GTF2H4: variants seen among roughly 807,000 people sequenced by gnomAD.
The protein encoded by GTF2H4 is general transcription factor IIH subunit 4, also known as BTF2 p52.
GTF2H4 carries 49 observed loss-of-function variants against 62.2 expected under a neutral mutation model. The ratio of observed to expected loss-of-function variants is 0.79; its 90% CI spans 0.63 to 1.00. GTF2H4 has a LOEUF of 1.00. GTF2H4 is among the 50% of genes least tolerant of loss of function. GTF2H4 has a pLI of 0.00. For synonymous variants in GTF2H4, 189 were observed against 233.8 expected (o/e 0.81, Z 1.75); for missense variants, 479 against 587.8 (o/e 0.81, Z 1.91).
chr6:30,908,635 A>G (rs959989850), intron 1 of GTF2H4, among the ~76,000 whole-genome samples: 2 of 152,188 alleles, frequency 1.3e-5, no homozygotes, highest in East Asian at 1.9e-4. Flanking sequence ...GATAGAAGAT[A>G]GGAAGGACGG....
In GTF2H4 at chr6:30,912,665, G is replaced by T. The variant is rs191995085; in HGVS notation, c.1089+207G>T. Among the ~76,000 whole-genome samples the T allele has an allele frequency of 7.7e-4, 117 of 152,214 alleles. 2 individuals are homozygous for T. The East Asian group carries it at 0.021, about 28-fold the overall frequency. On this transcript the variant is annotated intron_variant, in intron 11 of 13. Transcript: ENST00000259895. The surrounding 1 kb of genome is among the most constrained non-coding windows in gnomAD (Gnocchi z 4.8). Reference sequence around the variant, plus strand: ...ACATGGAGGGAGGAGGTATAGATCTGGATTTGTGCCTCGGCACTGCCACAT... The same window carrying T: ...ACATGGAGGGAGGAGGTATAGATCTTGATTTGTGCCTCGGCACTGCCACAT...
chr6:30,912,006 C>G lies in GTF2H4; in HGVS notation c.826-8C>G. On this transcript the variant is annotated splice_polypyrimidine_tract_variant and splice_region_variant and intron_variant, in intron 9 of 13. Transcript: ENST00000259895. The surrounding 1 kb of genome is among the most constrained non-coding windows in gnomAD (Gnocchi z 4.8). ...GAGACAAGGCATCTGCCTTTCTATT[C>G]TTTTCAGAGGAAATCTCGGCGTTAC... is the stretch of plus-strand genomic sequence containing the variant. 6.2e-7 allele frequency: 1 copy of G among 1,612,484 alleles called. No individual in the cohort carries two copies. Among genetic ancestry groups the G allele is most frequent in the Non-Finnish European group, 8.5e-7 (1 of 1,179,830 alleles).
Position 30,909,973 on chromosome 6 carries a change from T to C in GTF2H4, c.284T>C (p.Ile95Thr). Residue 95 changes from isoleucine (I) to threonine (T), a missense_variant, in exon 4 of 14, where the codon ATC becomes ACC. Physicochemically the swap from Ile to Thr is moderately conservative, Grantham distance 89. Coordinates refer to ENST00000259895, the MANE Select transcript of GTF2H4 (RefSeq NM_001517.5). The surrounding 1 kb of genome is among the most constrained non-coding windows in gnomAD (Gnocchi z 4.3). ...ACAGGGCTGCTGAGCGGCCTCCGGA[T>C]CTGGCACACACAGCTGCTCCCAGGC... is the stretch of plus-strand genomic sequence containing the variant. ...ESTGLLSGLR[I>T]WHTQLLPGGL... 1 of 1,613,016 alleles carries C rather than the reference T, an allele frequency of 6.2e-7. No homozygotes were observed. The highest frequency in any genetic ancestry group is 8.5e-7 in the Non-Finnish European group (1 of 1,180,000).
In GTF2H4 at chr6:30,910,415, T is replaced by C. The variant is rs1582152852; in HGVS notation, c.375-250T>C. Among the ~76,000 whole-genome samples the C allele has an allele frequency of 6.6e-6, 1 of 152,116 alleles. No homozygotes were observed. Among genetic ancestry groups the C allele is most frequent in the Non-Finnish European group, 1.5e-5 (1 of 67,994 alleles). ...TGTAATCTTGACTCACGGCAGCCTC[T>C]ACCTCCTGGGTTCAAGTGATTCTCC... On this transcript the variant is annotated intron_variant, in intron 4 of 13. Transcript: ENST00000259895. This position sits in a 1 kb window ranked among gnomAD's most constrained non-coding sequence, Gnocchi z 4.7.
chr6:30,914,017 G>GGGACTGGGCT lies in GTF2H4; in HGVS notation c.*43_*44insTGGACTGGGC. 1 of 1,518,308 alleles carries GGGACTGGGCT rather than the reference G, an allele frequency of 6.6e-7. No individual in the cohort carries two copies. Among genetic ancestry groups the GGGACTGGGCT allele is most frequent in the South Asian group, 1.2e-5 (1 of 83,928 alleles). 94.1% of individuals were successfully genotyped at this position (1,518,308 alleles called of 1,614,324 possible). The stretch of plus-strand genomic sequence containing the variant: ...GACTTGGACACGGACCTCGGCGGGC[G>GGGACTGGGCT]GGACTGGGCGGGGCGGGGCATCAGA... On this transcript the variant is annotated 3_prime_UTR_variant, in exon 14 of 14. Transcript: ENST00000259895.
chr6:30,909,336 G>T lies in GTF2H4; in HGVS notation c.138-99G>T. On this transcript the variant is annotated intron_variant, in intron 2 of 13. Coordinates refer to ENST00000259895, the MANE Select transcript of GTF2H4 (RefSeq NM_001517.5). The surrounding 1 kb of genome is among the most constrained non-coding windows in gnomAD (Gnocchi z 4.3). ...CCAAAACAGCAGGACTGGTAAAGTT[G>T]TGCTGGAGTGAGATGAGATGTTTGA... 1 of 1,214,642 alleles carries T rather than the reference G, an allele frequency of 8.2e-7. No individual in the cohort carries two copies. The highest frequency in any genetic ancestry group is 1.2e-6 in the Non-Finnish European group (1 of 846,002). 75.2% of individuals were successfully genotyped at this position (1,214,642 alleles called of 1,614,324 possible).
rs1386786329 is a variant in GTF2H4 at position 30,913,932 on chromosome 6, C to G, written c.1338C>G (p.Ala446=). The change falls in exon 14 of 14, where the codon GCC becomes GCG. Residue 446 remains alanine (A), a synonymous_variant. Transcript: ENST00000259895. This position sits in a 1 kb window ranked among gnomAD's most constrained non-coding sequence, Gnocchi z 4.2. The part of the protein sequence containing the change: ...SAKRLMVVTP[A]GHSDVKRFWK... ...AGCGGCTCATGGTGGTGACCCCGGC[C>G]GGGCACAGCGACGTCAAGCGCTTTT... is the stretch of plus-strand genomic sequence containing the variant. 6.2e-7 allele frequency: 1 copy of G among 1,606,884 alleles called. No individual in the cohort carries two copies. Among genetic ancestry groups the G allele is most frequent in the African/African-American group, 1.3e-5 (1 of 74,680 alleles).
rs1793658351 is a variant in GTF2H4 at position 30,909,062 on chromosome 6, T to C, written c.26T>C (p.Leu9Pro). 3 of 1,614,190 alleles carry C rather than the reference T, an allele frequency of 1.9e-6. No homozygotes were observed. Among genetic ancestry groups the C allele is most frequent in the Non-Finnish European group, 2.5e-6 (3 of 1,180,044 alleles). MESTPSRGLNRVHLQCRNL... is the reference protein window; with the variant it reads MESTPSRGPNRVHLQCRNL... ...ATGGAGAGCACCCCTTCAAGGGGAC[T>C]GAACCGAGTACACCTACAATGCAGG... The change falls in exon 2 of 14, where the codon CTG becomes CCG. Residue 9 changes from leucine (L) to proline (P), a missense_variant. Transcript: ENST00000259895. The surrounding 1 kb of genome is among the most constrained non-coding windows in gnomAD (Gnocchi z 4.3).
At chr6:30,908,896 G>A in intron 1 of GTF2H4, 138 bp from the exon 2 acceptor site, 1 of 943,906 alleles carries the variant, frequency 1.1e-6, no homozygotes, top group Non-Finnish European at 1.7e-6. Context: ...AACCAGAGGA[G>A]ATGAGTGACA....
Position 30,913,727 on chromosome 6 carries a change from A to C in GTF2H4, c.1217-84A>C. 7.5e-7 allele frequency: 1 copy of C among 1,328,738 alleles called. No homozygotes were observed. Among genetic ancestry groups the C allele is most frequent in the Non-Finnish European group, 1.0e-6 (1 of 988,120 alleles). The allele number at this position is 1,328,738 out of a possible 1,614,324, so 82.3% of individuals were successfully genotyped here. A position where few individuals can be genotyped will look rare whatever the true frequency, so the allele number is the denominator to read the frequency against. ...CAGACCGCGTCCAGGGCTGCCACCA[A>C]GGAGCTGGGGGGATTCCCAATAGGA... On this transcript the variant is annotated intron_variant, in intron 13 of 13. Transcript: ENST00000259895. This position sits in a 1 kb window ranked among gnomAD's most constrained non-coding sequence, Gnocchi z 4.2.
rs1292755162 is a variant in GTF2H4 at position 30,912,432 on chromosome 6, A to G, written c.1063A>G (p.Ile355Val). 2.5e-6 allele frequency: 4 copies of G among 1,612,790 alleles called. No individual in the cohort carries two copies. In the African/African-American group the frequency reaches 4.0e-5, roughly 16 times the overall value. ...GACCCGGGAGAGTGTGCAGCAGGCAATCGCCAGTGGCATCACAGCCCAGCA... is the reference window on the plus strand; with the variant it reads ...GACCCGGGAGAGTGTGCAGCAGGCAGTCGCCAGTGGCATCACAGCCCAGCA... Reference protein sequence around the residue: ...QVTRESVQQAIASGITAQQII... With the variant: ...QVTRESVQQAVASGITAQQII... The change falls in exon 11 of 14, where the codon ATC becomes GTC. Residue 355 changes from isoleucine to valine, a missense_variant. Ile to Val is a conservative substitution (Grantham distance 29). Transcript: ENST00000259895. This position sits in a 1 kb window ranked among gnomAD's most constrained non-coding sequence, Gnocchi z 4.8.
chr6:30,911,524 G>C lies in GTF2H4; in HGVS notation c.741+25G>C. The C allele has an allele frequency of 6.2e-7, 1 of 1,600,522 alleles. No homozygotes were observed. Reference sequence around the variant, plus strand: ...GGTAAGCAGGGGGCTGAAAGGTATAGAGATGGGAAGGGGAAAGCAAGTTGT... The same window carrying C: ...GGTAAGCAGGGGGCTGAAAGGTATACAGATGGGAAGGGGAAAGCAAGTTGT... On this transcript the variant is annotated intron_variant, in intron 8 of 13. Coordinates refer to ENST00000259895, the MANE Select transcript of GTF2H4 (RefSeq NM_001517.5). The surrounding 1 kb of genome is among the most constrained non-coding windows in gnomAD (Gnocchi z 4.3).
Position 30,911,171 on chromosome 6 carries a change from G to T in GTF2H4, c.574G>T (p.Glu192Ter). Residue 192 changes from glutamate to a stop codon, truncating the protein, a stop_gained, in exon 7 of 14, where the codon GAG becomes TAG. Coordinates refer to ENST00000259895, the MANE Select transcript of GTF2H4 (RefSeq NM_001517.5). LOFTEE classifies it high-confidence loss of function. This position sits in a 1 kb window ranked among gnomAD's most constrained non-coding sequence, Gnocchi z 4.3. ...CTTTGTCTCTAGTACTGAACCTGGA[G>T]AGCCGCCCTGCATTACTTCCGCTGG... ...AGLMKSTEPG[E>*]PPCITSAGFQ... The T allele has an allele frequency of 6.2e-7, 1 of 1,613,286 alleles. No individual in the cohort carries two copies. The highest frequency in any genetic ancestry group is 8.5e-7 in the Non-Finnish European group (1 of 1,179,750).
Position 30,910,876 on chromosome 6 carries a change from C to T in GTF2H4, c.495C>T (p.Gly165=). Residue 165 remains glycine (G), a synonymous_variant, in exon 6 of 14, where the codon GGC becomes GGT. Coordinates refer to ENST00000259895, the MANE Select transcript of GTF2H4 (RefSeq NM_001517.5). The surrounding 1 kb of genome is among the most constrained non-coding windows in gnomAD (Gnocchi z 4.7). ...AGGTGGTCTTGCACTTCATGGTGGG[C>T]TCCCCCAGTGCAGCTGTCAGCCAGG... is the stretch of plus-strand genomic sequence containing the variant. ...RWEVVLHFMV[G]SPSAAVSQDL... 2 of 1,612,266 alleles carry T rather than the reference C, an allele frequency of 1.2e-6. No homozygotes were observed. The highest frequency in any genetic ancestry group is 2.2e-5 in the East Asian group (1 of 44,842).
In GTF2H4 at chr6:30,913,802, C is replaced by G. The variant is rs1423836499; in HGVS notation, c.1217-9C>G. 1.9e-6 allele frequency: 3 copies of G among 1,542,184 alleles called. No individual in the cohort carries two copies. The highest frequency in any genetic ancestry group is 2.6e-6 in the Non-Finnish European group (3 of 1,141,102). The stretch of plus-strand genomic sequence containing the variant: ...TCTCCCCGCGCCCCTCCCGTCCTGC[C>G]GACCCCAGGTGTCCTGTATAACCAG... On this transcript the variant is annotated splice_polypyrimidine_tract_variant and intron_variant, in intron 13 of 13. Coordinates refer to ENST00000259895, the MANE Select transcript of GTF2H4 (RefSeq NM_001517.5). The surrounding 1 kb of genome is among the most constrained non-coding windows in gnomAD (Gnocchi z 4.2).
rs1471385639 is a variant in GTF2H4, at chr6:30,911,291, A to T, written c.672+22A>T. 7 of 1,574,652 alleles carry T rather than the reference A, an allele frequency of 4.4e-6. No homozygotes were observed. The highest frequency in any genetic ancestry group is 6.1e-6 in the Non-Finnish European group (7 of 1,145,352). ...CCAGGTGAGGAGGCAGGGCCACTTAACCAGCATGCTCTGCTCCTCTCAGGT... is the reference window on the plus strand; with the variant it reads ...CCAGGTGAGGAGGCAGGGCCACTTATCCAGCATGCTCTGCTCCTCTCAGGT... On this transcript the variant is annotated intron_variant, in intron 7 of 13. Coordinates refer to ENST00000259895, the MANE Select transcript of GTF2H4 (RefSeq NM_001517.5). The surrounding 1 kb of genome is among the most constrained non-coding windows in gnomAD (Gnocchi z 4.3).
chr6:30,910,205 G>C lies in GTF2H4; in HGVS notation c.374+142G>C. ...ACGTTGGGAACTCCTTTAGGAGTAA[G>C]TTGGACCAGATGTAGTGTGTGGTGT... is the stretch of plus-strand genomic sequence containing the variant. On this transcript the variant is annotated intron_variant, in intron 4 of 13. Coordinates refer to ENST00000259895, the MANE Select transcript of GTF2H4 (RefSeq NM_001517.5). This position sits in a 1 kb window ranked among gnomAD's most constrained non-coding sequence, Gnocchi z 4.7. The C allele has an allele frequency of 7.2e-6, 6 of 838,670 alleles. No homozygotes were observed. The highest frequency in any genetic ancestry group is 9.5e-6 in the Non-Finnish European group (5 of 526,096). The allele number at this position is 838,670 out of a possible 1,614,324, so 52.0% of individuals were successfully genotyped here.
Position 30,911,068 on chromosome 6 carries a change from C to T in GTF2H4, c.561-90C>T. 7.5e-7 allele frequency: 1 copy of T among 1,324,896 alleles called. No individual in the cohort carries two copies. Among genetic ancestry groups the T allele is most frequent in the East Asian group, 2.3e-5 (1 of 43,346 alleles). The allele number at this position is 1,324,896 out of a possible 1,614,324, so 82.1% of individuals were successfully genotyped here. ...AAAGGCAAGCTGAGTAGAATATAGC[C>T]AGAGATACCAAGAAAAAACGTGAGT... is the stretch of plus-strand genomic sequence containing the variant. On this transcript the variant is annotated intron_variant, in intron 6 of 13. Coordinates refer to ENST00000259895, the MANE Select transcript of GTF2H4 (RefSeq NM_001517.5). The surrounding 1 kb of genome is among the most constrained non-coding windows in gnomAD (Gnocchi z 4.3).
Position 30,913,076 on chromosome 6 carries a change from G to A in GTF2H4, c.1090-34G>A, listed in dbSNP as rs1280016348. 1.2e-6 allele frequency: 2 copies of A among 1,611,840 alleles called. No individual in the cohort carries two copies. The highest frequency in any genetic ancestry group is 1.7e-6 in the Non-Finnish European group (2 of 1,178,398). On this transcript the variant is annotated intron_variant, in intron 11 of 13. Transcript: ENST00000259895. The surrounding 1 kb of genome is among the most constrained non-coding windows in gnomAD (Gnocchi z 4.2). ...CAGATGGCTTTCCTGCCTTCTTGCT[G>A]GAGCCCTCATGCCATTCTTGTCTGT...
Sources: allele counts gnomAD v4.1 joint callset (sites outside exome capture counted in the v4.1 genomes callset), GRCh38; gene constraint gnomAD v4.1.1; non-coding constraint Gnocchi (gnomAD v3.1); transcripts MANE v1.5; gene names NCBI Gene and HGNC (gene_info 2026-07-23, HGNC 2026-07-21).